The following HTR3B variants were observed in gnomAD, a reference collection of about 807,000 sequenced individuals.
HTR3B encodes 5-hydroxytryptamine (serotonin) receptor 3B, ionotropic.
HTR3B carries 44 observed loss-of-function variants against 42.8 expected under a neutral mutation model. The ratio of observed to expected loss-of-function variants is 1.03; its 90% confidence interval spans 0.81 to 1.32. HTR3B has a LOEUF of 1.32. Ranked by LOEUF, HTR3B falls within the 40% of genes most tolerant of loss-of-function variation. The pLI is 0.00. For missense variants in HTR3B, 527 were observed against 536.5 expected, an observed-to-expected ratio of 0.98 and a Z score of 0.17; for synonymous variants, 203 against 209.0, an observed-to-expected ratio of 0.97 and a Z score of 0.25.
chr11:113,932,415 T>C lies in HTR3B; in HGVS notation c.495T>C (p.Asp165=). The C allele has an allele frequency of 4.3e-6, 7 of 1,614,198 alleles. No homozygotes were observed. The highest frequency in any genetic ancestry group is 5.1e-6 in the Non-Finnish European group (6 of 1,180,004). ...CSLETYAFPF[D]VQNCSLTFKS... ...TAGAGACATATGCTTTTCCATTTGA[T>C]GTCCAGAATTGCAGCCTGACCTTCA... Residue 165 remains aspartate (D), a synonymous_variant, in exon 5 of 9, where the codon GAT becomes GAC. Coordinates refer to ENST00000260191, the MANE Select transcript of HTR3B (RefSeq NM_006028.5).
chr11:113,936,960 G>T (rs564510148), intron 6 of HTR3B, among the ~76,000 whole-genome samples: 1 of 152,236 alleles, frequency 6.6e-6, no homozygotes, highest in South Asian at 2.1e-4. Context: ...ACATCAATAG[G>T]CTCCAAATAC....
Position 113,932,276 on chromosome 11 carries a change from G to T in HTR3B, c.369-13G>T, listed in dbSNP as rs1950043220. On this transcript the variant is annotated splice_polypyrimidine_tract_variant and intron_variant, in intron 4 of 8. Transcript: ENST00000260191. ...CCTCTCTGTGACAACAAGTTCTCTT[G>T]TGTTTCATATAGTGTGGACATTGAA... 1 of 1,600,516 alleles carries T rather than the reference G, an allele frequency of 6.2e-7. No homozygotes were observed. Among genetic ancestry groups the T allele is most frequent in the African/African-American group, 1.3e-5 (1 of 74,404 alleles).
At chr11:113,928,420 G>A (rs1949997752) in intron 2 of HTR3B, among the ~76,000 whole-genome samples, 1 of 152,100 alleles carries the variant, frequency 6.6e-6, no homozygotes, top group Non-Finnish European at 1.5e-5. Context: ...ATGAATTTCA[G>A]TACTCTAGGT....
intron 1 of HTR3B, among the ~76,000 whole-genome samples, chr11:113,905,620 C>A (rs1298121195): frequency 1.3e-5 from 2 of 152,090 alleles, no homozygotes; most frequent in East Asian, 3.8e-4. Context: ...ATTTCCATGG[C>A]ACCAGTATTA....
At chr11:113,925,778 A>G (rs1386664726) in intron 2 of HTR3B, among the ~76,000 whole-genome samples, 4 of 152,318 alleles carry the variant, frequency 2.6e-5, no homozygotes, top group South Asian at 4.1e-4. Flanking sequence ...CTTTAATAGT[A>G]TGCATCAGAC....
intron 2 of HTR3B, among the ~76,000 whole-genome samples, chr11:113,916,145 A>G (rs1949851375): frequency 6.6e-6 from 1 of 152,224 alleles, no homozygotes; most frequent in African/African-American, 2.4e-5. Context: ...CCCAATCTTT[A>G]AAATTTTAAC....
intron 2 of HTR3B, among the ~76,000 whole-genome samples, chr11:113,920,015 T>C (rs1949897517): frequency 6.7e-6 from 1 of 150,274 alleles, no homozygotes. Context: ...TCCTTTATTA[T>C]TTTATTTTTG....
At chr11:113,941,787 C>A (rs554294232) in intron 6 of HTR3B, among the ~76,000 whole-genome samples, 1 of 152,150 alleles carries the variant, frequency 6.6e-6, no homozygotes, top group African/African-American at 2.4e-5. Context: ...AACCACAGGT[C>A]CTATCTGGCA....
chr11:113,900,058 G>A (rs377178309), upstream of HTR3B, among the ~76,000 whole-genome samples: 56 of 152,262 alleles, frequency 3.7e-4, no homozygotes, highest in African/African-American at 1.1e-3. Context: ...CCTGAGGTCA[G>A]GAGTTCGAGA....
At chr11:113,937,324 T>C (rs1225479949) in intron 6 of HTR3B, among the ~76,000 whole-genome samples, 1 of 152,204 alleles carries the variant, frequency 6.6e-6, no homozygotes, top group Non-Finnish European at 1.5e-5. Flanking sequence ...ATATTGGAAC[T>C]AAAAGTAGTG....
rs978694279 is a variant in HTR3B, at chr11:113,947,089, G to A, written c.*952G>A. ...TTCAGCAGTGCATCCCCACTGGAGA[G>A]AACCCAGGTGCCAAGGCTTCTTTTT... is the stretch of plus-strand genomic sequence containing the variant. On this transcript the variant is annotated 3_prime_UTR_variant, in exon 9 of 9. Coordinates refer to ENST00000260191, the MANE Select transcript of HTR3B (RefSeq NM_006028.5). Among the ~76,000 whole-genome samples the A allele has an allele frequency of 1.3e-5, 2 of 151,264 alleles. No individual in the cohort carries two copies. The highest frequency in any genetic ancestry group is 6.6e-5 in the Admixed American group (1 of 15,170).
chr11:113,912,076 G>C (rs1053428168), intron 2 of HTR3B, among the ~76,000 whole-genome samples: 1 of 152,144 alleles, frequency 6.6e-6, no homozygotes, highest in Non-Finnish European at 1.5e-5. Flanking sequence ...TCAGCAGTTT[G>C]TTCCTTTTTC....
At chr11:113,933,144 C>T (rs1248097949) in intron 6 of HTR3B, 51 bp downstream of exon 6, 2 of 1,574,000 alleles carry the variant, frequency 1.3e-6, no homozygotes, top group East Asian at 2.3e-5. Flanking sequence ...CAGCCTTTGG[C>T]CTTCTCTCTT....
rs750800161 is a variant in HTR3B at position 113,933,042 on chromosome 11, A to C, written c.645A>C (p.Thr215=). The C allele has an allele frequency of 1.9e-5, 31 of 1,614,058 alleles. No individual in the cohort carries two copies. The African/African-American group carries it at 4.0e-4, about 21-fold the overall frequency. ...GGGAACTTCTATCTGTGTCCTCCAC[A>C]TACAGCATCCTGCAGAGCAGCGCTG... ...SEWELLSVSS[T]YSILQSSAGG... The change falls in exon 6 of 9, where the codon ACA becomes ACC. Residue 215 remains threonine, a synonymous_variant. Transcript: ENST00000260191.
chr11:113,909,879 G>T (rs2137485963), intron 2 of HTR3B, among the ~76,000 whole-genome samples: 1 of 150,302 alleles, frequency 6.7e-6, no homozygotes, highest in South Asian at 2.1e-4. Flanking sequence ...AGCTACTCAA[G>T]AGGATGAAGA....
At chr11:113,931,640 A>G in intron 3 of HTR3B, 118 bp from the exon 4 acceptor site, 1 of 716,470 alleles carries the variant, frequency 1.4e-6, no homozygotes, top group Non-Finnish European at 2.4e-6. Flanking sequence ...CCTTTCTCCT[A>G]ACAGGTAGAA....
chr11:113,924,996 T>G (rs1266651328), intron 2 of HTR3B, among the ~76,000 whole-genome samples: 1 of 152,208 alleles, frequency 6.6e-6, no homozygotes, highest in Non-Finnish European at 1.5e-5. Flanking sequence ...GCTTTCTTGA[T>G]TATAAAAAGG....
chr11:113,926,299 C>T (rs1949970518), intron 2 of HTR3B, among the ~76,000 whole-genome samples: 1 of 152,146 alleles, frequency 6.6e-6, no homozygotes, highest in African/African-American at 2.4e-5. Context: ...CACTTTTTAA[C>T]TATCACAAAT....
At chr11:113,918,644 C>A (rs1949880510) in intron 2 of HTR3B, among the ~76,000 whole-genome samples, 2 of 146,378 alleles carry the variant, frequency 1.4e-5, no homozygotes, top group Admixed American at 7.0e-5. Flanking sequence ...TTTTTTAAAC[C>A]AGTATGACAA....
Sources: gnomAD v4.1 joint callset for allele counts (sites outside exome capture counted in the v4.1 genomes callset) on GRCh38, gnomAD v4.1.1 for gene constraint, MANE v1.5 for transcripts, NCBI Gene and HGNC (gene_info 2026-07-23, HGNC 2026-07-21) for gene names.